Variants in CRPPA observed in about 807,000 individuals in gnomAD.
CRPPA encodes the protein D-ribitol-5-phosphate cytidylyltransferase.
Under a neutral mutation model 52.0 loss-of-function variants are expected in CRPPA, and 43 were observed. The observed-to-expected ratio is 0.83, with a 90% CI of 0.65 to 1.07. The LOEUF (loss-of-function observed/expected upper bound fraction) is 1.07, where lower values mean the gene tolerates loss of function less well. CRPPA is among the 50% of genes least tolerant of loss of function. The probability of loss-of-function intolerance (pLI) is 0.00; values close to 1 mark genes in which losing one functional copy is unlikely to be tolerated. For synonymous variants in CRPPA, 250 were observed against 203.5 expected (o/e 1.23, Z -1.94); for missense variants, 629 against 551.7 (o/e 1.14, Z -1.40).
At chr7:16,372,233 A>C (rs1348966759) in intron 3 of CRPPA, among the ~76,000 whole-genome samples, 3 of 152,178 alleles carry the variant, frequency 2.0e-5, no homozygotes, top group African/African-American at 7.2e-5. Context: ...ACCATCACCA[A>C]GGCACATAGT....
At chr7:16,179,372 A>G (rs1040603492) in intron 9 of CRPPA, among the ~76,000 whole-genome samples, 1 of 152,136 alleles carries the variant, frequency 6.6e-6, no homozygotes, top group Non-Finnish European at 1.5e-5. Context: ...ACGCACAGCA[A>G]AAGAAGTTTT....
At position 16,089,068 on chromosome 7, in the gene CRPPA, T is replaced by C; in HGVS notation, c.*2627A>G. 1 of 225,232 alleles carries C rather than the reference T, an allele frequency of 4.4e-6. No homozygotes were observed. The highest frequency in any genetic ancestry group is 9.8e-6 in the Non-Finnish European group (1 of 102,074). The allele number at this position is 225,232 out of a possible 1,614,324, so 14.0% of individuals were successfully genotyped here. ...ATTCAGTCACATGATTTTGGCAAGG[T>C]AACTAAGATCCCTGAGCTCCAATTT... On this transcript the variant is annotated 3_prime_UTR_variant, in exon 10 of 10. Coordinates refer to ENST00000407010, the MANE Select transcript of CRPPA (RefSeq NM_001101426.4).
At chr7:16,095,610 T>C (rs902145072) in intron 9 of CRPPA, among the ~76,000 whole-genome samples, 7 of 152,176 alleles carry the variant, frequency 4.6e-5, no homozygotes, top group African/African-American at 1.7e-4. Flanking sequence ...AACATATGCA[T>C]GTCTATAATC....
intron 5 of CRPPA, among the ~76,000 whole-genome samples, chr7:16,298,173 C>G (rs1281107325): frequency 6.6e-6 from 1 of 152,066 alleles, no homozygotes; most frequent in East Asian, 1.9e-4. Flanking sequence ...GCATTTGCAG[C>G]TGGGAGAGCA....
rs1420190231 is a variant in CRPPA at position 16,421,367 on chromosome 7, G to C, written c.-45C>G. 8.2e-7 allele frequency: 1 copy of C among 1,221,638 alleles called. No individual in the cohort carries two copies. The highest frequency in any genetic ancestry group is 1.0e-6 in the Non-Finnish European group (1 of 980,936). 75.7% of individuals were successfully genotyped at this position (1,221,638 alleles called of 1,614,324 possible). A position where few individuals can be genotyped will look rare whatever the true frequency, so the allele number is the denominator to read the frequency against. ...AGCCCCGCTAGCCTCGGGCCGATGC[G>C]ACCCCGCGCTGCTCCCACCCTCGGC... is the stretch of plus-strand genomic sequence containing the variant. On this transcript the variant is annotated 5_prime_UTR_variant, in exon 1 of 10. Transcript: ENST00000407010.
chr7:16,258,854 T>A, intron 7 of CRPPA, 66 bp downstream of exon 7: 2 of 923,388 alleles, frequency 2.2e-6, no homozygotes, highest in Admixed American at 5.6e-5. Context: ...TATTTAAGAA[T>A]CAAATTAGTT....
intron 9 of CRPPA, among the ~76,000 whole-genome samples, chr7:16,168,859 A>G (rs1360959484): frequency 4.6e-5 from 7 of 152,156 alleles, no homozygotes; most frequent in African/African-American, 1.7e-4. Flanking sequence ...TCTCTCAACA[A>G]ATGAGGTGAT....
chr7:16,375,985 G>T, intron 3 of CRPPA, 107 bp downstream of exon 3: 1 of 1,071,156 alleles, frequency 9.3e-7, no homozygotes, highest in Non-Finnish European at 1.3e-6. Flanking sequence ...TTAGCCTTGA[G>T]TATAACTATA....
chr7:16,401,025 G>T (rs1787804251), intron 2 of CRPPA, among the ~76,000 whole-genome samples: 2 of 152,140 alleles, frequency 1.3e-5, no homozygotes, highest in East Asian at 1.9e-4. Context: ...AGAGTTTGAG[G>T]TTTCATGATA....
At chr7:16,266,311 G>C (rs1379132849) in intron 6 of CRPPA, 1 of 152,032 alleles carries the variant, frequency 6.6e-6, no homozygotes, top group Admixed American at 6.5e-5. Flanking sequence ...ACATTATTGT[G>C]GTAAGTCTTC....
chr7:16,287,006 A>G (rs1784465109), intron 5 of CRPPA, among the ~76,000 whole-genome samples: 1 of 152,204 alleles, frequency 6.6e-6, no homozygotes, highest in African/African-American at 2.4e-5. Flanking sequence ...TAGTCAGCAG[A>G]TGCATTATGA....
intron 9 of CRPPA, among the ~76,000 whole-genome samples, chr7:16,190,099 C>T (rs1344785123): frequency 1.3e-5 from 2 of 152,140 alleles, no homozygotes; most frequent in Non-Finnish European, 2.9e-5. Flanking sequence ...CAAAAGGCTA[C>T]ACTTTCAAAC....
chr7:16,362,840 G>A (rs894246868), intron 3 of CRPPA, among the ~76,000 whole-genome samples: 5 of 151,726 alleles, frequency 3.3e-5, no homozygotes, highest in Non-Finnish European at 2.9e-5. Context: ...TCCTTTTTTT[G>A]GCTTGATAAG....
At chr7:16,229,893 C>A (rs1241306977) in intron 8 of CRPPA, among the ~76,000 whole-genome samples, 1 of 152,086 alleles carries the variant, frequency 6.6e-6, no homozygotes, top group Non-Finnish European at 1.5e-5. Flanking sequence ...CTGAAGGACA[C>A]CTTTGCTGGG....
chr7:16,234,576 T>G (rs1387727028), intron 8 of CRPPA, among the ~76,000 whole-genome samples: 1 of 152,178 alleles, frequency 6.6e-6, no homozygotes, highest in Non-Finnish European at 1.5e-5. Context: ...ATTATTCTCC[T>G]TAATAGAATG....
intron 3 of CRPPA, among the ~76,000 whole-genome samples, chr7:16,349,508 T>C (rs1009540502): frequency 7.2e-5 from 11 of 152,104 alleles, no homozygotes; most frequent in African/African-American, 2.4e-4. Flanking sequence ...TTTAGAACAA[T>C]GGTCATAAAC....
chr7:16,412,384 G>A (rs1441731767), intron 1 of CRPPA, among the ~76,000 whole-genome samples: 2 of 152,142 alleles, frequency 1.3e-5, no homozygotes, highest in Non-Finnish European at 2.9e-5. Flanking sequence ...GAGTATATAA[G>A]TAAATATGCA....
chr7:16,386,506 GC>G (rs1036030068), intron 2 of CRPPA, among the ~76,000 whole-genome samples: 5 of 152,108 alleles, frequency 3.3e-5, no homozygotes, highest in African/African-American at 1.2e-4. Flanking sequence ...GTATTTCCCT[GC>G]CTCCTATCTG....
At chr7:16,347,617 G>C (rs1786047776) in intron 3 of CRPPA, among the ~76,000 whole-genome samples, 1 of 152,236 alleles carries the variant, frequency 6.6e-6, no homozygotes, top group East Asian at 1.9e-4. Flanking sequence ...CCAGTGAATA[G>C]ACATCTACTC....
Sources: gnomAD v4.1 joint callset for allele counts (sites outside exome capture counted in the v4.1 genomes callset) on GRCh38, gnomAD v4.1.1 for gene constraint, MANE v1.5 for transcripts, NCBI Gene and HGNC (gene_info 2026-07-23, HGNC 2026-07-21) for gene names.